The following MYO1B variants were observed in gnomAD, a reference collection of about 807,000 sequenced individuals.
MYO1B encodes myosin IB.
In MYO1B, 72 loss-of-function variants were observed where a neutral mutation model predicts 159.7. That is an observed-to-expected ratio of 0.45 (90% CI 0.37 to 0.55). MYO1B has a LOEUF of 0.55. Among genes scored for constraint, MYO1B ranks in the 20% least tolerant of loss-of-function variants. The pLI is 0.00. For missense variants in MYO1B, 1,062 were observed against 1,364.8 expected (o/e 0.78, Z 3.50); for synonymous variants, 468 against 473.8 (o/e 0.99, Z 0.16).
At chr2:191,260,659 A>G (rs1686757538) in intron 1 of MYO1B, among the ~76,000 whole-genome samples, 1 of 152,162 alleles carries the variant, frequency 6.6e-6, no homozygotes, top group African/African-American at 2.4e-5. Context: ...TCCTTTTCAG[A>G]GAAACATTTG....
intron 30 of MYO1B, among the ~76,000 whole-genome samples, chr2:191,422,463 C>A (rs1697997713): frequency 6.6e-6 from 1 of 152,000 alleles, no homozygotes; most frequent in Non-Finnish European, 1.5e-5. Flanking sequence ...CAGCAGTGGT[C>A]CACATGATAC....
chr2:191,425,371 A>G lies in MYO1B; in HGVS notation c.*1411A>G, dbSNP rs1198186146. ...TTGTATTTTTAAAAATTGCTCACAT[A>G]AAGAAGTTCTCAGAAGTCTTTGTGT... On this transcript the variant is annotated 3_prime_UTR_variant, in exon 31 of 31. Transcript: ENST00000392318. 6.6e-6 allele frequency: 1 copy of G among 152,160 alleles called. No homozygotes were observed. The highest frequency in any genetic ancestry group is 1.5e-5 in the Non-Finnish European group (1 of 68,018). The allele number at this position is 152,160 out of a possible 1,614,324, so 9.4% of individuals were successfully genotyped here.
chr2:191,408,972 C>A, intron 25 of MYO1B, 72 bp from the exon 26 acceptor site: 1 of 1,439,934 alleles, frequency 6.9e-7, no homozygotes, highest in South Asian at 1.4e-5. Flanking sequence ...TTTATTTGAT[C>A]ATGATGTATG....
At chr2:191,304,606 C>G (rs183942534) in intron 3 of MYO1B, among the ~76,000 whole-genome samples, 1 of 152,016 alleles carries the variant, frequency 6.6e-6, no homozygotes, top group African/African-American at 2.4e-5. Flanking sequence ...AACCCAGTTT[C>G]TTTCAGGATA....
chr2:191,341,619 A>G, intron 5 of MYO1B, 54 bp downstream of exon 5: 1 of 1,432,966 alleles, frequency 7.0e-7, no homozygotes, highest in Non-Finnish European at 9.8e-7. Context: ...AGATTGAGTT[A>G]TGTGGGTGCT....
At chr2:191,416,505 GA>G in intron 30 of MYO1B, 61 of 415,402 alleles carry the variant, frequency 1.5e-4, no homozygotes, top group South Asian at 3.9e-4. Flanking sequence ...GTTTATGGAG[GA>G]AAAAAAGGGT....
chr2:191,353,768 G>C (rs778301865), intron 7 of MYO1B, among the ~76,000 whole-genome samples: 2 of 152,176 alleles, frequency 1.3e-5, no homozygotes, highest in Non-Finnish European at 2.9e-5. Flanking sequence ...GATTGCATAG[G>C]TTGTCCTGAG....
At chr2:191,282,959 G>T (rs1052865409) in intron 2 of MYO1B, among the ~76,000 whole-genome samples, 7 of 152,220 alleles carry the variant, frequency 4.6e-5, no homozygotes, top group African/African-American at 1.7e-4. Context: ...CAAATTGTGT[G>T]TGCCTTCCAG....
In MYO1B at chr2:191,350,973, C is replaced by T. The variant is rs190991196; in HGVS notation, c.562+748C>T. Among the ~76,000 whole-genome samples the T allele has an allele frequency of 6.1e-4, 93 of 152,102 alleles. 1 individual carries two copies. In the East Asian group the frequency reaches 0.013, roughly 21 times the overall value. On this transcript the variant is annotated intron_variant, in intron 7 of 30. Transcript: ENST00000392318. ...GAGTTGTGGCACCCACAGCACAACC[C>T]TGATGTCCCTGCTCCTCTTGACTCG...
intron 11 of MYO1B, 116 bp downstream of exon 11, chr2:191,364,392 G>C (rs867139893): frequency 5.0e-6 from 4 of 801,278 alleles, no homozygotes; most frequent in Non-Finnish European, 8.3e-6. Flanking sequence ...CTATGTTCTA[G>C]GCATTGGGAA....
chr2:191,253,768 G>A (rs1686271773), intron 1 of MYO1B, among the ~76,000 whole-genome samples: 1 of 152,120 alleles, frequency 6.6e-6, no homozygotes, highest in Non-Finnish European at 1.5e-5. Flanking sequence ...CAAGCTTGTT[G>A]CTTGTGGGGC....
chr2:191,346,904 A>T (rs967791336), intron 6 of MYO1B, among the ~76,000 whole-genome samples: 3 of 152,182 alleles, frequency 2.0e-5, no homozygotes, highest in African/African-American at 7.2e-5. Context: ...TTGCATGTTG[A>T]CGCAGTGGGC....
chr2:191,283,277 TACTTAC>T (rs1048447620), intron 2 of MYO1B, among the ~76,000 whole-genome samples: 1 of 152,122 alleles, frequency 6.6e-6, no homozygotes, highest in Non-Finnish European at 1.5e-5. Context: ...ATTTGTATAA[TACTTAC>T]AGTGCATTAA....
At chr2:191,265,344 A>T (rs933582566) in intron 1 of MYO1B, among the ~76,000 whole-genome samples, 3 of 152,100 alleles carry the variant, frequency 2.0e-5, no homozygotes, top group Non-Finnish European at 4.4e-5. Context: ...AAATCACTGT[A>T]TTTTTAATTA....
chr2:191,361,551 T>G (rs1019380985), intron 8 of MYO1B, among the ~76,000 whole-genome samples: 4 of 151,320 alleles, frequency 2.6e-5, no homozygotes, highest in Non-Finnish European at 4.4e-5. Context: ...AAATGCAGAT[T>G]AAAACAGCCC....
chr2:191,293,387 C>T (rs1221896703), intron 2 of MYO1B, among the ~76,000 whole-genome samples: 2 of 152,126 alleles, frequency 1.3e-5, no homozygotes, highest in Non-Finnish European at 2.9e-5. Flanking sequence ...ATCCAGACCA[C>T]AAGAGAGGGT....
chr2:191,424,071 T>G lies in MYO1B; in HGVS notation c.*111T>G, dbSNP rs1698108228. 7.9e-7 allele frequency: 1 copy of G among 1,259,228 alleles called. No homozygotes were observed. Among genetic ancestry groups the G allele is most frequent in the Admixed American group, 2.3e-5 (1 of 42,700 alleles). The allele number at this position is 1,259,228 out of a possible 1,614,324, so 78.0% of individuals were successfully genotyped here. On this transcript the variant is annotated 3_prime_UTR_variant, in exon 31 of 31. Transcript: ENST00000392318. ...TGGGAATCACCAAAGGCTTTTAGAG[T>G]TCTTTGGCAAAATAAAAATATTTGA...
At chr2:191,278,043 T>C (rs17511410) in intron 2 of MYO1B, among the ~76,000 whole-genome samples, 54,387 of 152,156 alleles carry the variant, frequency 0.36, 10,215 homozygotes, top group Middle Eastern at 0.52. Flanking sequence ...ATGAGCTATA[T>C]TATTTTATAT....
intron 18 of MYO1B, 117 bp downstream of exon 18, chr2:191,390,609 T>C: frequency 8.5e-7 from 1 of 1,183,076 alleles, no homozygotes; most frequent in Non-Finnish European, 1.2e-6. Flanking sequence ...ATGTAACCTC[T>C]GTTTTGGACC....
Sources: allele counts gnomAD v4.1 joint callset (sites outside exome capture counted in the v4.1 genomes callset), GRCh38; gene constraint gnomAD v4.1.1; transcripts MANE v1.5; gene names NCBI Gene and HGNC (gene_info 2026-07-23, HGNC 2026-07-21).